PHIP: variants seen among roughly 807,000 people sequenced by gnomAD.
PHIP encodes the protein PHIP subunit of CUL4-Ring ligase complex.
A neutral mutation model predicts 236.8 loss-of-function variants in PHIP; 54 were observed. That is an observed-to-expected ratio of 0.23 (90% CI 0.18 to 0.29). PHIP has a LOEUF of 0.29. Among genes scored for constraint, PHIP ranks in the 10% least tolerant of loss-of-function variants. PHIP has a pLI of 1.00. For synonymous variants in PHIP, 756 were observed against 718.9 expected (o/e 1.05, Z -0.83); for missense variants, 1,370 against 2,190.8 (o/e 0.63, Z 7.48).
chr6:78,957,605 C>T (rs1401987132), intron 32 of PHIP: 1 of 150,244 alleles, frequency 6.7e-6, no homozygotes, highest in South Asian at 2.1e-4. Context: ...ACTGAATAAT[C>T]CTGAATTTTT....
intron 24 of PHIP, among the ~76,000 whole-genome samples, chr6:78,975,275 CAT>C (rs1767961583): frequency 6.6e-6 from 1 of 152,262 alleles, no homozygotes; most frequent in Middle Eastern, 3.4e-3. Flanking sequence ...ACAAAAACCA[CAT>C]GATTATCTCA....
intron 4 of PHIP, among the ~76,000 whole-genome samples, chr6:79,070,389 G>T (rs1773824511): frequency 1.3e-5 from 2 of 152,138 alleles, no homozygotes; most frequent in African/African-American, 2.4e-5. Flanking sequence ...TCAGTTTCAA[G>T]CACAGTACTC....
chr6:79,077,621 C>G lies in PHIP; in HGVS notation c.129+79G>C, dbSNP rs867538341. The G allele has an allele frequency of 2.5e-4, 220 of 891,802 alleles. 2 individuals carry two copies. In the South Asian group the frequency reaches 6.9e-3, roughly 28 times the overall value. 55.2% of individuals were successfully genotyped at this position (891,802 alleles called of 1,614,324 possible). On this transcript the variant is annotated intron_variant, in intron 3 of 39. Coordinates refer to ENST00000275034, the MANE Select transcript of PHIP (RefSeq NM_017934.7). ...CCCGAGCCCCGCGCCCCGCGCCCTG[C>G]CGGCGGCGGCAGCGGCGGCGCAGCG...
At chr6:78,998,923 T>G (rs1022738161) in intron 17 of PHIP, among the ~76,000 whole-genome samples, 1 of 152,120 alleles carries the variant, frequency 6.6e-6, no homozygotes, top group South Asian at 2.1e-4. Flanking sequence ...AGATCCCTAC[T>G]CTTTAGGGAG....
chr6:78,946,281 T>C lies in PHIP; in HGVS notation c.4371-21A>G, dbSNP rs749255139. ...CAGGGCTGTAAATAAAATAGTATTG[T>C]CAGTCACTCTTATAGCTCTATGTGA... On this transcript the variant is annotated intron_variant, in intron 37 of 39. Transcript: ENST00000275034. The C allele has an allele frequency of 3.7e-6, 6 of 1,602,850 alleles. No individual in the cohort carries two copies. The South Asian group carries it at 6.7e-5, about 18-fold the overall frequency.
In PHIP at chr6:79,019,166, T is replaced by A; in HGVS notation, c.924-7A>T. On this transcript the variant is annotated splice_region_variant and splice_polypyrimidine_tract_variant and intron_variant, in intron 9 of 39. Coordinates refer to ENST00000275034, the MANE Select transcript of PHIP (RefSeq NM_017934.7). ...AAATTTTGCAGGTCTTGGGCTGTAATACAAAAAATAAAGAATTAAAAATAT... is the reference window on the plus strand; with the variant it reads ...AAATTTTGCAGGTCTTGGGCTGTAAAACAAAAAATAAAGAATTAAAAATAT... The A allele has an allele frequency of 6.3e-7, 1 of 1,599,718 alleles. No individual in the cohort carries two copies. Among genetic ancestry groups the A allele is most frequent in the Non-Finnish European group, 8.6e-7 (1 of 1,168,004 alleles).
At chr6:79,074,619 C>G (rs960300203) in intron 4 of PHIP, among the ~76,000 whole-genome samples, 2 of 152,016 alleles carry the variant, frequency 1.3e-5, no homozygotes, top group African/African-American at 4.8e-5. Flanking sequence ...ATTCCATTTA[C>G]TTTGTTAAAA....
intron 6 of PHIP, among the ~76,000 whole-genome samples, chr6:79,048,557 C>G (rs1398880502): frequency 6.6e-6 from 1 of 152,020 alleles, no homozygotes; most frequent in Non-Finnish European, 1.5e-5. Flanking sequence ...TGAACAAGCA[C>G]ACATGATAAA....
At chr6:79,015,608 A>G in intron 14 of PHIP, 22 bp downstream of exon 14, 1 of 1,541,868 alleles carries the variant, frequency 6.5e-7, no homozygotes. Flanking sequence ...TATATCAAAT[A>G]AAGATTAGAA....
chr6:79,077,404 G>T, intron 4 of PHIP, 44 bp downstream of exon 4: 1 of 1,509,644 alleles, frequency 6.6e-7, no homozygotes, highest in Non-Finnish European at 9.2e-7. Flanking sequence ...ATTTTTATTC[G>T]ACTCAGGGAA....
chr6:79,003,379 A>G (rs915850722), intron 16 of PHIP, among the ~76,000 whole-genome samples: 3 of 152,126 alleles, frequency 2.0e-5, no homozygotes, highest in African/African-American at 7.2e-5. Flanking sequence ...CGTATTATCT[A>G]TATTAAAAAA....
chr6:79,054,078 C>A (rs940065649), intron 6 of PHIP, among the ~76,000 whole-genome samples: 4 of 146,972 alleles, frequency 2.7e-5, no homozygotes, highest in African/African-American at 5.0e-5. Flanking sequence ...ATATTTTGTA[C>A]ATCTGATACT....
At chr6:78,970,232 G>C in intron 25 of PHIP, 59 bp from the exon 26 acceptor site, 1 of 1,443,734 alleles carries the variant, frequency 6.9e-7, no homozygotes, top group South Asian at 1.2e-5. Flanking sequence ...AAAATAGACT[G>C]CTAAACATTG....
chr6:78,962,709 GTGTATATTAAGT>G (rs1205737301), intron 30 of PHIP, among the ~76,000 whole-genome samples: 1 of 152,102 alleles, frequency 6.6e-6, no homozygotes. Flanking sequence ...TCTTTTGTGT[GTGTATATTAAGT>G]TGGGGGAGAC....
chr6:79,033,839 T>C (rs759076349), intron 7 of PHIP, among the ~76,000 whole-genome samples: 9 of 152,168 alleles, frequency 5.9e-5, no homozygotes, highest in Non-Finnish European at 1.2e-4. Context: ...TTCTAACTTT[T>C]GAATTAAAGT....
rs1773255493 is a variant in PHIP, at chr6:78,935,915, T to TC, written c.*4777_*4778insG. 1 of 186,656 alleles carries TC rather than the reference T, an allele frequency of 5.4e-6. No individual in the cohort carries two copies. The highest frequency in any genetic ancestry group is 2.4e-5 in the African/African-American group (1 of 42,052). The allele number at this position is 186,656 out of a possible 1,614,324, so 11.6% of individuals were successfully genotyped here. A position where few individuals can be genotyped will look rare whatever the true frequency, so the allele number is the denominator to read the frequency against. The stretch of plus-strand genomic sequence containing the variant: ...ATTTATTTAAAAATAAGTTTGTAGT[T>TC]ACTACATTGCAGGGACAGGTATTCT... On this transcript the variant is annotated 3_prime_UTR_variant, in exon 40 of 40. Coordinates refer to ENST00000275034, the MANE Select transcript of PHIP (RefSeq NM_017934.7).
intron 19 of PHIP, among the ~76,000 whole-genome samples, chr6:78,993,055 T>C (rs978218947): frequency 1.3e-5 from 2 of 152,228 alleles, no homozygotes; most frequent in African/African-American, 4.8e-5. Flanking sequence ...AGCAGGCTTG[T>C]TGCCGATACA....
rs1209312885 is a variant in PHIP at position 78,945,994 on chromosome 6, G to A, written c.4630+7C>T. Reference sequence around the variant, plus strand: ...ATATACATTTCAATTTAGAAAGTGAGTCTTACTTGTTTTCCCTGGTATTGC... The same window carrying A: ...ATATACATTTCAATTTAGAAAGTGAATCTTACTTGTTTTCCCTGGTATTGC... On this transcript the variant is annotated splice_region_variant and intron_variant, in intron 38 of 39. Coordinates refer to ENST00000275034, the MANE Select transcript of PHIP (RefSeq NM_017934.7). 2 of 1,592,518 alleles carry A rather than the reference G, an allele frequency of 1.3e-6. No homozygotes were observed. The highest frequency in any genetic ancestry group is 2.2e-5 in the East Asian group (1 of 44,644).
rs1582229514 is a variant in PHIP at position 79,017,640 on chromosome 6, A to T, written c.995-57T>A. On this transcript the variant is annotated intron_variant, in intron 10 of 39. Transcript: ENST00000275034. ...AAAACATAACTTCAAAATCTCTGAA[A>T]ATTAGATAATAAAATGTAAGCAAAA... is the stretch of plus-strand genomic sequence containing the variant. 2.4e-6 allele frequency: 3 copies of T among 1,252,952 alleles called. No individual in the cohort carries two copies. The East Asian group carries it at 7.1e-5, about 30-fold the overall frequency. The allele number at this position is 1,252,952 out of a possible 1,614,324, so 77.6% of individuals were successfully genotyped here. A position where few individuals can be genotyped will look rare whatever the true frequency, so the allele number is the denominator to read the frequency against.
Sources: allele counts gnomAD v4.1 joint callset (sites outside exome capture counted in the v4.1 genomes callset), GRCh38; gene constraint gnomAD v4.1.1; transcripts MANE v1.5; gene names NCBI Gene and HGNC (gene_info 2026-07-23, HGNC 2026-07-21).